The following ZNF385D variants were observed in gnomAD, a reference collection of about 807,000 sequenced individuals.
The protein encoded by ZNF385D is zinc finger protein 659.
ZNF385D carries 15 observed loss-of-function variants against 35.8 expected under a neutral mutation model. That is an observed-to-expected ratio of 0.42 (90% CI 0.28 to 0.64). The LOEUF (loss-of-function observed/expected upper bound fraction) is 0.64, where lower values mean the gene tolerates loss of function less well. Among genes scored for constraint, ZNF385D ranks in the 30% least tolerant of loss-of-function variants. The probability of loss-of-function intolerance (pLI) is 0.23; values close to 1 mark genes in which losing one functional copy is unlikely to be tolerated. For synonymous variants in ZNF385D, 212 were observed against 186.8 expected (o/e 1.13, Z -1.10); for missense variants, 474 against 494.6 (o/e 0.96, Z 0.39).
intron 1 of ZNF385D, among the ~76,000 whole-genome samples, chr3:21,711,039 G>GTTGTTTT (rs2068082583): frequency 1.2e-5 from 1 of 83,154 alleles, no homozygotes; most frequent in Non-Finnish European, 2.1e-5. Flanking sequence ...CCCTCTAAAA[G>GTTGTTTT]TTTTTTTTTT....
chr3:21,824,885 T>G (rs1694501871), intron 3 of ZNF385D, among the ~76,000 whole-genome samples: 1 of 152,220 alleles, frequency 6.6e-6, no homozygotes, highest in Admixed American at 6.5e-5. Context: ...AATTGCTCCT[T>G]TTGCACTCTA....
At chr3:22,138,636 C>G (rs912147846) in intron 3 of ZNF385D, among the ~76,000 whole-genome samples, 4 of 151,888 alleles carry the variant, frequency 2.6e-5, no homozygotes, top group Admixed American at 6.6e-5. Flanking sequence ...GAAACTGGAT[C>G]CCTTCCTTAC....
At chr3:21,705,744 T>A (rs1479763047) in intron 1 of ZNF385D, among the ~76,000 whole-genome samples, 1 of 152,202 alleles carries the variant, frequency 6.6e-6, no homozygotes, top group Non-Finnish European at 1.5e-5. Flanking sequence ...ACCCCCAAAA[T>A]CCACTTGCTC....
At chr3:21,681,574 A>T (rs926777422) in intron 1 of ZNF385D, among the ~76,000 whole-genome samples, 10 of 151,948 alleles carry the variant, frequency 6.6e-5, no homozygotes, top group African/African-American at 2.2e-4. Context: ...AATATACATC[A>T]CAGTTAAAGT....
chr3:21,631,003 G>C (rs2065265842), intron 2 of ZNF385D, among the ~76,000 whole-genome samples: 1 of 152,016 alleles, frequency 6.6e-6, no homozygotes, highest in African/African-American at 2.4e-5. Context: ...ATAGATACCA[G>C]GGAACAACTT....
At chr3:21,692,367 A>G (rs2067311154) in intron 1 of ZNF385D, among the ~76,000 whole-genome samples, 2 of 152,136 alleles carry the variant, frequency 1.3e-5, no homozygotes, top group Non-Finnish European at 2.9e-5. Context: ...ATTTTCTAAT[A>G]CATCCATTTC....
At chr3:21,996,780 T>A (rs919191047) in intron 3 of ZNF385D, among the ~76,000 whole-genome samples, 7 of 152,248 alleles carry the variant, frequency 4.6e-5, no homozygotes, top group Non-Finnish European at 1.0e-4. Flanking sequence ...TTAACCTTAG[T>A]TATGAAGATG....
chr3:22,141,134 G>C (rs773397468), intron 3 of ZNF385D, among the ~76,000 whole-genome samples: 3 of 152,074 alleles, frequency 2.0e-5, no homozygotes, highest in Non-Finnish European at 2.9e-5. Context: ...AAAAACATAA[G>C]AGAGGTTTAT....
intron 2 of ZNF385D, among the ~76,000 whole-genome samples, chr3:22,235,046 A>C (rs558163726): frequency 1.3e-5 from 2 of 152,226 alleles, no homozygotes; most frequent in Admixed American, 1.3e-4. Context: ...GGAGCCACTA[A>C]GGCACGAGTT....
At chr3:21,553,093 T>C (rs1242310889) in intron 3 of ZNF385D, among the ~76,000 whole-genome samples, 4 of 152,292 alleles carry the variant, frequency 2.6e-5, no homozygotes, top group East Asian at 3.9e-4. Flanking sequence ...AGGCAACTTC[T>C]AGAAGCTGAA....
intron 3 of ZNF385D, among the ~76,000 whole-genome samples, chr3:21,766,382 G>C (rs2070830880): frequency 6.6e-6 from 1 of 152,090 alleles, no homozygotes; most frequent in Admixed American, 6.6e-5. Context: ...TATGGGTACA[G>C]GACATGGGCT....
At chr3:22,116,414 T>C (rs1258902533) in intron 3 of ZNF385D, among the ~76,000 whole-genome samples, 1 of 152,012 alleles carries the variant, frequency 6.6e-6, no homozygotes, top group African/African-American at 2.4e-5. Context: ...ATTTTGTTCA[T>C]TACCTGCATG....
intron 1 of ZNF385D, among the ~76,000 whole-genome samples, chr3:21,731,684 G>C (rs2069002258): frequency 6.6e-6 from 1 of 151,948 alleles, no homozygotes; most frequent in Non-Finnish European, 1.5e-5. Flanking sequence ...ATAACCCCTG[G>C]CAATCCCACT....
At chr3:22,143,061 G>GTGTT (rs1444316615) in intron 3 of ZNF385D, among the ~76,000 whole-genome samples, 72 of 28,444 alleles carry the variant, frequency 2.5e-3, no homozygotes, top group Non-Finnish European at 4.7e-3. Context: ...TAAATCGGTT[G>GTGTT]TGTGTGTGTG....
At chr3:21,623,338 G>GA (rs773798986) in intron 2 of ZNF385D, among the ~76,000 whole-genome samples, 4 of 152,118 alleles carry the variant, frequency 2.6e-5, no homozygotes, top group South Asian at 2.1e-4. Context: ...CGATCTCAGG[G>GA]AAAAAACATT....
At chr3:21,723,872 A>G (rs2068644500) in intron 1 of ZNF385D, among the ~76,000 whole-genome samples, 3 of 152,176 alleles carry the variant, frequency 2.0e-5, no homozygotes, top group Admixed American at 2.0e-4. Context: ...GTGGAAATGA[A>G]GGAAAAAATG....
intron 3 of ZNF385D, among the ~76,000 whole-genome samples, chr3:22,047,992 G>A (rs999527855): frequency 6.6e-6 from 1 of 152,102 alleles, no homozygotes; most frequent in East Asian, 1.9e-4. Flanking sequence ...TTTCCCTGAT[G>A]ATTAGTGATG....
exon 3 of ZNF385D, chr3:22,168,834 G>T: frequency 1.0e-6 from 1 of 985,726 alleles, no homozygotes; most frequent in Non-Finnish European, 1.2e-6. Context: ...ATTTTTCAGC[G>T]TCCCATTGCT....
At position 22,174,025 on chromosome 3, in the gene ZNF385D, AACACACACACAC is replaced by A. The variant is rs10569895; in HGVS notation, c.107-5002_107-4991del. On this transcript the variant is annotated intron_variant, in intron 2 of 5. Coordinates refer to the ZNF385D transcript ENST00000494108. ...TAAGATTATAAGCCATTTACACACA[AACACACACACAC>A]ACACACACACACACAGAGATATCCA... Among the ~76,000 whole-genome samples, 212 of 149,972 alleles carry A rather than the reference AACACACACACAC, an allele frequency of 1.4e-3. 1 individual carries two copies. The highest frequency in any genetic ancestry group is 4.7e-3 in the African/African-American group (191 of 40,920).
Sources: allele counts gnomAD v4.1 joint callset (sites outside exome capture counted in the v4.1 genomes callset), GRCh38; gene constraint gnomAD v4.1.1; transcripts MANE v1.5; gene names NCBI Gene and HGNC (gene_info 2026-07-23, HGNC 2026-07-21).